Variants in SLC38A1 observed in about 807,000 individuals in gnomAD.
SLC38A1 encodes solute carrier family 38 member 1.
In SLC38A1, 18 loss-of-function variants were observed where a neutral mutation model predicts 60.3. That is an observed-to-expected ratio of 0.30 (90% CI 0.21 to 0.44). The LOEUF (loss-of-function observed/expected upper bound fraction) is 0.44, where lower values mean the gene tolerates loss of function less well. Ranked by LOEUF, SLC38A1 falls within the 20% of genes least tolerant of loss-of-function variation. SLC38A1 has a pLI of 1.00. For synonymous variants in SLC38A1, 196 were observed against 212.1 expected (o/e 0.92, Z 0.66); for missense variants, 448 against 587.2 (o/e 0.76, Z 2.45).
chr12:46,254,844 T>G (rs1376169003), intron 1 of SLC38A1: 1 of 153,156 alleles, frequency 6.5e-6, no homozygotes, highest in Non-Finnish European at 1.5e-5. Flanking sequence ...GGAAATCAGG[T>G]AGAGAGAAAC....
intron 1 of SLC38A1, among the ~76,000 whole-genome samples, chr12:46,256,892 C>A (rs1942048922): frequency 6.6e-6 from 1 of 152,208 alleles, no homozygotes; most frequent in African/African-American, 2.4e-5. Flanking sequence ...AACTTGCCCC[C>A]ATCATTGTTA....
intron 13 of SLC38A1, among the ~76,000 whole-genome samples, chr12:46,200,467 G>C (rs1441792162): frequency 2.6e-5 from 4 of 151,566 alleles, no homozygotes; most frequent in African/African-American, 9.7e-5. Flanking sequence ...CAATTATAAA[G>C]ATAATGAAAG....
chr12:46,257,501 G>T (rs1244204283), intron 1 of SLC38A1, among the ~76,000 whole-genome samples: 1 of 152,114 alleles, frequency 6.6e-6, no homozygotes, highest in Non-Finnish European at 1.5e-5. Context: ...TCTTTACCCA[G>T]GTACCCCACC....
At chr12:46,213,160 C>T (rs910794940) in intron 5 of SLC38A1, among the ~76,000 whole-genome samples, 4 of 152,282 alleles carry the variant, frequency 2.6e-5, no homozygotes, top group East Asian at 1.9e-4. Flanking sequence ...GTCCAAACAG[C>T]GCAAAGCATG....
intron 5 of SLC38A1, among the ~76,000 whole-genome samples, chr12:46,226,262 T>A (rs1052253590): frequency 6.6e-6 from 1 of 152,146 alleles, no homozygotes; most frequent in Non-Finnish European, 1.5e-5. Context: ...AATCTTTTTC[T>A]ACTATTCTCT....
chr12:46,221,813 G>T (rs1275976282), intron 5 of SLC38A1, among the ~76,000 whole-genome samples: 3 of 152,164 alleles, frequency 2.0e-5, no homozygotes, highest in Admixed American at 2.0e-4. Context: ...CTATTAGAAA[G>T]ATACAAATGA....
intron 16 of SLC38A1, among the ~76,000 whole-genome samples, chr12:46,190,789 T>A (rs539716785): frequency 6.6e-6 from 1 of 152,318 alleles, no homozygotes; most frequent in Admixed American, 6.5e-5. Context: ...GGTTGCTTTT[T>A]TCTTGTAAAT....
At position 46,223,007 on chromosome 12, in the gene SLC38A1, G is replaced by T. The variant is rs143199490; in HGVS notation, c.314+6146C>A. ...CTGATTTTATAAGGTGATTTTAAAG[G>T]TACATTATATTGGAAAGTAAAAGGT... On this transcript the variant is annotated intron_variant, in intron 5 of 16. Transcript: ENST00000398637. Among the ~76,000 whole-genome samples, 444 of 152,230 alleles carry T rather than the reference G, an allele frequency of 2.9e-3. 4 individuals carry two copies. The highest frequency in any genetic ancestry group is 0.01 in the African/African-American group (418 of 41,530).
chr12:46,208,200 G>A (rs952209678), intron 6 of SLC38A1, among the ~76,000 whole-genome samples: 14 of 152,314 alleles, frequency 9.2e-5, no homozygotes, highest in East Asian at 3.9e-4. Context: ...GAGAGCAGAA[G>A]ACTAATCTGT....
intron 5 of SLC38A1, among the ~76,000 whole-genome samples, chr12:46,209,507 G>C (rs1940054141): frequency 6.6e-6 from 1 of 152,168 alleles, no homozygotes; most frequent in South Asian, 2.1e-4. Flanking sequence ...GGGAAAGGCT[G>C]GCAGTGACCT....
At chr12:46,202,934 T>C (rs975601022) in intron 12 of SLC38A1, 76 bp downstream of exon 12, 148 of 1,111,962 alleles carry the variant, frequency 1.3e-4, no homozygotes, top group Non-Finnish European at 1.8e-4. Flanking sequence ...ACAAGTCCGT[T>C]TATTTTAATT....
intron 5 of SLC38A1, among the ~76,000 whole-genome samples, chr12:46,218,820 G>A (rs1490875416): frequency 6.6e-6 from 1 of 152,060 alleles, no homozygotes; most frequent in Non-Finnish European, 1.5e-5. Context: ...TGGTTAAGTT[G>A]GATATGAAAT....
rs577935609 is a variant in SLC38A1 at position 46,233,013 on chromosome 12, T to TTTA, written c.123-3377_123-3375dup. On this transcript the variant is annotated intron_variant, in intron 3 of 16. Transcript: ENST00000398637. ...GCCAAATGTATTTCGTCAAGCTAAT[T>TTTA]TTATTATTATTATTATTATTTTAGA... Among the ~76,000 whole-genome samples the TTTA allele has an allele frequency of 3.8e-3, 576 of 152,010 alleles. 6 individuals carry two copies. The highest frequency in any genetic ancestry group is 0.013 in the African/African-American group (521 of 41,448).
At chr12:46,202,318 C>T (rs1372644090) in intron 12 of SLC38A1, among the ~76,000 whole-genome samples, 5 of 152,098 alleles carry the variant, frequency 3.3e-5, no homozygotes, top group Non-Finnish European at 7.4e-5. Context: ...TAAATGACAT[C>T]AACTTTGTTT....
chr12:46,185,570 G>C lies in SLC38A1; in HGVS notation c.*3400C>G, dbSNP rs540994721. The stretch of plus-strand genomic sequence containing the variant: ...GCACTAAAAACATTAAAAGTGCTGC[G>C]CGCTGGCCTCAATGACTGGTACATT... On this transcript the variant is annotated 3_prime_UTR_variant, in exon 17 of 17. Coordinates refer to ENST00000398637, the MANE Select transcript of SLC38A1 (RefSeq NM_030674.4). The C allele has an allele frequency of 6.6e-4, 100 of 151,944 alleles. No individual in the cohort carries two copies. The highest frequency in any genetic ancestry group is 2.3e-3 in the African/African-American group (96 of 41,400). 9.4% of individuals were successfully genotyped at this position (151,944 alleles called of 1,614,324 possible). A position where few individuals can be genotyped will look rare whatever the true frequency, so the allele number is the denominator to read the frequency against.
intron 1 of SLC38A1, among the ~76,000 whole-genome samples, chr12:46,254,078 G>A (rs1172717387): frequency 1.3e-5 from 2 of 152,048 alleles, no homozygotes; most frequent in African/African-American, 4.8e-5. Flanking sequence ...AGCAAAATAA[G>A]TAAAAATTAT....
chr12:46,211,475 A>G (rs534766281), intron 5 of SLC38A1, among the ~76,000 whole-genome samples: 1 of 152,358 alleles, frequency 6.6e-6, no homozygotes, highest in African/African-American at 2.4e-5. Context: ...TTAGCAAAAG[A>G]AACATTCTAA....
At chr12:46,241,294 T>G (rs1373322626) in intron 2 of SLC38A1, among the ~76,000 whole-genome samples, 1 of 152,222 alleles carries the variant, frequency 6.6e-6, no homozygotes, top group African/African-American at 2.4e-5. Flanking sequence ...AAGAAGCATC[T>G]TACTAATTTC....
At chr12:46,218,783 G>C (rs544649747) in intron 5 of SLC38A1, among the ~76,000 whole-genome samples, 3 of 152,128 alleles carry the variant, frequency 2.0e-5, no homozygotes, top group Non-Finnish European at 4.4e-5. Flanking sequence ...TTGGCAGCTA[G>C]GGGCTTGGGA....
Sources: allele counts gnomAD v4.1 joint callset (sites outside exome capture counted in the v4.1 genomes callset), GRCh38; gene constraint gnomAD v4.1.1; transcripts MANE v1.5; gene names NCBI Gene and HGNC (gene_info 2026-07-23, HGNC 2026-07-21).